REDIC1: variants seen among roughly 807,000 people sequenced by gnomAD.
REDIC1 encodes HEI10 Interacting Protein 1.
the REDIC1 span, chr12:39,759,986 C>A: frequency 2.6e-6 from 4 of 1,511,158 alleles, no homozygotes; most frequent in East Asian, 2.3e-5. Context: ...TCTTCTCCCC[C>A]CAGTTTGTTT....
chr12:39,886,633 A>C, the REDIC1 span, among the ~76,000 whole-genome samples: 1 of 152,096 alleles, frequency 6.6e-6, no homozygotes, highest in Non-Finnish European at 1.5e-5. Context: ...AATTGACTAT[A>C]TTGTCTTAAC....
At chr12:39,840,322 G>T in the REDIC1 span, among the ~76,000 whole-genome samples, 3 of 151,944 alleles carry the variant, frequency 2.0e-5, no homozygotes, top group Non-Finnish European at 4.4e-5. Context: ...TTCTAAAGGG[G>T]CCTGCTTCTA....
At chr12:39,830,714 G>A in the REDIC1 span, among the ~76,000 whole-genome samples, 2 of 151,704 alleles carry the variant, frequency 1.3e-5, no homozygotes, top group African/African-American at 2.4e-5. Context: ...TTCAAACAAC[G>A]AAAAACATTA....
At chr12:39,726,291 C>G in the REDIC1 span, among the ~76,000 whole-genome samples, 4 of 152,020 alleles carry the variant, frequency 2.6e-5, no homozygotes, top group South Asian at 2.1e-4. Flanking sequence ...AGGTATTTCT[C>G]CTAATGCTAT....
the REDIC1 span, among the ~76,000 whole-genome samples, chr12:39,680,460 T>G: frequency 1.3e-5 from 2 of 151,896 alleles, no homozygotes; most frequent in South Asian, 4.1e-4. Context: ...TGGTCATAAT[T>G]AAAAAATGAA....
chr12:39,678,828 A>G, the REDIC1 span, among the ~76,000 whole-genome samples: 2 of 152,148 alleles, frequency 1.3e-5, no homozygotes. Flanking sequence ...CACTACATAA[A>G]CAGAATTAAG....
the REDIC1 span, among the ~76,000 whole-genome samples, chr12:39,776,061 T>C: frequency 1.3e-5 from 2 of 152,190 alleles, no homozygotes; most frequent in Non-Finnish European, 2.9e-5. Flanking sequence ...GAAAGTTTAG[T>C]GACTCATAGA....
chr12:39,708,680 A>G, the REDIC1 span, among the ~76,000 whole-genome samples: 1 of 151,664 alleles, frequency 6.6e-6, no homozygotes, highest in South Asian at 2.1e-4. Flanking sequence ...TTATATAATA[A>G]CTTTCCATAT....
chr12:39,895,926 G>GTATGCA, the REDIC1 span, among the ~76,000 whole-genome samples: 27 of 136,624 alleles, frequency 2.0e-4, no homozygotes, highest in African/African-American at 6.5e-4. Context: ...GCATATATGT[G>GTATGCA]TATATGTGTA....
chr12:39,672,354 G>A, the REDIC1 span, among the ~76,000 whole-genome samples: 1 of 152,060 alleles, frequency 6.6e-6, no homozygotes, highest in Non-Finnish European at 1.5e-5. Context: ...TGGCAGCAGA[G>A]GCAGTGGGTG....
At chr12:39,811,676 G>T in the REDIC1 span, among the ~76,000 whole-genome samples, 2 of 152,030 alleles carry the variant, frequency 1.3e-5, no homozygotes, top group Non-Finnish European at 2.9e-5. Flanking sequence ...ATACATTTAA[G>T]AATTGTATGT....
chr12:39,798,625 C>T, the REDIC1 span, among the ~76,000 whole-genome samples: 1 of 152,180 alleles, frequency 6.6e-6, no homozygotes, highest in African/African-American at 2.4e-5. Flanking sequence ...TGTGTTTGGC[C>T]TCGTGGCAGG....
the REDIC1 span, chr12:39,764,882 A>G: frequency 6.2e-7 from 1 of 1,604,748 alleles, no homozygotes; most frequent in Non-Finnish European, 8.5e-7. Flanking sequence ...CAATATAAGT[A>G]TTAACTTAAT....
At chr12:39,743,145 C>G in the REDIC1 span, among the ~76,000 whole-genome samples, 1 of 152,300 alleles carries the variant, frequency 6.6e-6, no homozygotes, top group Admixed American at 6.5e-5. Context: ...TTCCTTTTAA[C>G]AAGGCCTGTC....
chr12:39,760,286 A>G, the REDIC1 span: 1 of 1,552,752 alleles, frequency 6.4e-7, no homozygotes, highest in Admixed American at 1.8e-5. Flanking sequence ...ATGAATATGA[A>G]TATATAGAGA....
At chr12:39,637,747 C>G in the REDIC1 span, among the ~76,000 whole-genome samples, 2 of 151,972 alleles carry the variant, frequency 1.3e-5, no homozygotes, top group African/African-American at 4.8e-5. Flanking sequence ...GATTCATTGG[C>G]AAGTCCTTTT....
At chr12:39,711,761 ATGTG>A in the REDIC1 span, among the ~76,000 whole-genome samples, 1,004 of 126,892 alleles carry the variant, frequency 7.9e-3, 16 homozygotes, top group Non-Finnish European at 0.012. Context: ...ATGCATGTGT[ATGTG>A]TGTGTGCACA....
chr12:39,703,469 T>C, the REDIC1 span, among the ~76,000 whole-genome samples: 1 of 150,760 alleles, frequency 6.6e-6, no homozygotes, highest in Non-Finnish European at 1.5e-5. Flanking sequence ...TCCATGCTCA[T>C]GGGTAGGAAG....
chr12:39,712,349 T>TATAC, the REDIC1 span, among the ~76,000 whole-genome samples: 11 of 122,986 alleles, frequency 8.9e-5, 1 homozygote, highest in East Asian at 2.0e-3. Flanking sequence ...TGTATTTATA[T>TATAC]ATACATACAT....
Sources: allele counts gnomAD v4.1 joint callset (sites outside exome capture counted in the v4.1 genomes callset), GRCh38; gene constraint gnomAD v4.1.1; transcripts MANE v1.5; gene names NCBI Gene and HGNC (gene_info 2026-07-23, HGNC 2026-07-21).